ASTN2: variants seen among roughly 807,000 people sequenced by gnomAD.
The protein encoded by ASTN2 is astrotactin 2.
Under a neutral mutation model 139.8 loss-of-function variants are expected in ASTN2, and 54 were observed. The observed-to-expected ratio is 0.39, with a 90% CI of 0.31 to 0.48. The LOEUF is 0.48. ASTN2 is among the 20% of genes least tolerant of loss of function. The probability of loss-of-function intolerance (pLI) is 0.95; values close to 1 mark genes in which losing one functional copy is unlikely to be tolerated. For synonymous variants in ASTN2, 756 were observed against 719.5 expected, an observed-to-expected ratio of 1.05 and a Z score of -0.81; for missense variants, 1,565 against 1,725.1, an observed-to-expected ratio of 0.91 and a Z score of 1.64.
At chr9:116,734,274 C>T (rs2132127957) in intron 13 of ASTN2, among the ~76,000 whole-genome samples, 2 of 152,282 alleles carry the variant, frequency 1.3e-5, no homozygotes, top group East Asian at 3.9e-4. Context: ...GAACAGAAGA[C>T]AGACCTCTGA....
At chr9:116,623,352 C>T (rs767056129) in intron 17 of ASTN2, among the ~76,000 whole-genome samples, 2 of 152,032 alleles carry the variant, frequency 1.3e-5, no homozygotes, top group Admixed American at 6.6e-5. Context: ...CCCAAAACCC[C>T]GAGGAACAGA....
intron 10 of ASTN2, among the ~76,000 whole-genome samples, chr9:116,940,869 A>G (rs1157804067): frequency 6.6e-6 from 1 of 152,178 alleles, no homozygotes; most frequent in Non-Finnish European, 1.5e-5. Flanking sequence ...ATACAGGTAG[A>G]TAATTTTAAA....
Position 116,699,933 on chromosome 9 carries a change from C to G in ASTN2, c.2806+25838G>C. On this transcript the variant is annotated intron_variant, in intron 16 of 22. Transcript: ENST00000313400. This position sits in a 1 kb window ranked among gnomAD's most constrained non-coding sequence, Gnocchi z 4.2. ...AGATGCACTGCCCAAATAGGACACA[C>G]GATGGTGTTAGCTGAAGTTTGATTA... 1 of 631,886 alleles carries G rather than the reference C, an allele frequency of 1.6e-6. No individual in the cohort carries two copies. The highest frequency in any genetic ancestry group is 2.8e-6 in the Non-Finnish European group (1 of 359,210). The allele number at this position is 631,886 out of a possible 1,614,324, so 39.1% of individuals were successfully genotyped here.
intron 13 of ASTN2, among the ~76,000 whole-genome samples, chr9:116,757,345 C>A (rs1346971713): frequency 6.6e-6 from 1 of 152,108 alleles, no homozygotes; most frequent in African/African-American, 2.4e-5. Context: ...TTTTGGCATG[C>A]GTGAACTTAA....
chr9:117,062,925 G>A (rs1379202232), intron 5 of ASTN2, among the ~76,000 whole-genome samples: 2 of 152,046 alleles, frequency 1.3e-5, no homozygotes, highest in Non-Finnish European at 2.9e-5. Flanking sequence ...CTTTTTAAGG[G>A]GCTAGCCTTG....
chr9:116,565,281 A>AACAAGTAAAC (rs1366299913), intron 19 of ASTN2, among the ~76,000 whole-genome samples: 6 of 148,664 alleles, frequency 4.0e-5, no homozygotes, highest in African/African-American at 1.2e-4. Flanking sequence ...TGAGGAGATT[A>AACAAGTAAAC]ACAAGTAAAC....
At chr9:116,747,380 T>C (rs1230056988) in intron 13 of ASTN2, among the ~76,000 whole-genome samples, 1 of 152,180 alleles carries the variant, frequency 6.6e-6, no homozygotes, top group Non-Finnish European at 1.5e-5. Flanking sequence ...AAAGTAAAGG[T>C]TGACTTGTTG....
chr9:116,907,943 C>A (rs988966402), intron 10 of ASTN2, among the ~76,000 whole-genome samples: 1 of 152,196 alleles, frequency 6.6e-6, no homozygotes, highest in South Asian at 2.1e-4. Flanking sequence ...GGCAACCACA[C>A]CCAACAGTAA....
At chr9:116,675,119 C>A (rs1859428122) in intron 16 of ASTN2, among the ~76,000 whole-genome samples, 1 of 152,176 alleles carries the variant, frequency 6.6e-6, no homozygotes, top group Admixed American at 6.5e-5. Context: ...AGCAATGGAT[C>A]CAGAGGCCAG....
At chr9:116,924,429 CAAA>C (rs35015769) in intron 10 of ASTN2, among the ~76,000 whole-genome samples, 31 of 55,006 alleles carry the variant, frequency 5.6e-4, no homozygotes, top group African/African-American at 1.5e-3. Flanking sequence ...GACTTCATCT[CAAA>C]AAAAAAAAAA....
At chr9:116,427,782 A>C (rs1411838120) in intron 22 of ASTN2, among the ~76,000 whole-genome samples, 1 of 152,244 alleles carries the variant, frequency 6.6e-6, no homozygotes, top group African/African-American at 2.4e-5. Context: ...CCAAGAATTC[A>C]TCACTTCATA....
intron 1 of ASTN2, among the ~76,000 whole-genome samples, chr9:117,331,490 A>G (rs1193466142): frequency 2.0e-5 from 3 of 152,182 alleles, no homozygotes; most frequent in African/African-American, 7.2e-5. Context: ...CGAGGGTTAA[A>G]TATAACAAGC....
chr9:117,379,481 G>A (rs1310267899), intron 1 of ASTN2, among the ~76,000 whole-genome samples: 1 of 152,198 alleles, frequency 6.6e-6, no homozygotes, highest in Non-Finnish European at 1.5e-5. Flanking sequence ...TCCTGCCTTA[G>A]ATGACTGGAA....
chr9:117,191,624 G>A (rs544119050), intron 3 of ASTN2, among the ~76,000 whole-genome samples: 7 of 152,330 alleles, frequency 4.6e-5, no homozygotes, highest in African/African-American at 1.4e-4. Flanking sequence ...CAGAGGCATT[G>A]AGGTTGAGCT....
Position 116,975,236 on chromosome 9 carries a change from G to A in ASTN2, c.1861C>T (p.Leu621Phe), listed in dbSNP as rs1035453354. ...NPLASCKTDV[L>F]VTEDPADVRE... ...ACATCTGCAGGGTCTTCCGTGACGA[G>A]CACATCGGTCTTGCAGCTGGCCAGG... The change falls in exon 10 of 23, where the codon CTC (leucine) becomes TTC (phenylalanine). Residue 621 changes from leucine to phenylalanine, a missense_variant. By Grantham distance (22) the Leu-to-Phe change is conservative. Transcript: ENST00000313400. 2 of 1,612,898 alleles carry A rather than the reference G, an allele frequency of 1.2e-6. No individual in the cohort carries two copies. The highest frequency in any genetic ancestry group is 1.3e-5 in the African/African-American group (1 of 74,854).
intron 1 of ASTN2, among the ~76,000 whole-genome samples, chr9:117,343,571 A>G (rs1242418995): frequency 1.3e-5 from 2 of 152,166 alleles, no homozygotes; most frequent in Non-Finnish European, 2.9e-5. Context: ...AATTCTCACA[A>G]ACATCCTGTG....
chr9:116,653,934 T>C (rs1342988426), intron 16 of ASTN2, among the ~76,000 whole-genome samples: 1 of 152,192 alleles, frequency 6.6e-6, no homozygotes, highest in Non-Finnish European at 1.5e-5. Context: ...GGGTAGTTAC[T>C]AAGACAAACA....
intron 10 of ASTN2, among the ~76,000 whole-genome samples, chr9:116,938,490 C>T (rs867841739): frequency 1.4e-4 from 22 of 152,168 alleles, no homozygotes; most frequent in Admixed American, 2.6e-4. Flanking sequence ...GGCGGATCAA[C>T]GGCACTGCCC....
chr9:116,448,980 G>A (rs1848090529), intron 20 of ASTN2, among the ~76,000 whole-genome samples: 1 of 152,156 alleles, frequency 6.6e-6, no homozygotes, highest in African/African-American at 2.4e-5. Context: ...ATCACAATGA[G>A]GCAGGGTGTG....
Sources: gnomAD v4.1 joint callset for allele counts (sites outside exome capture counted in the v4.1 genomes callset) on GRCh38, gnomAD v4.1.1 for gene constraint, Gnocchi (gnomAD v3.1) non-coding constraint, MANE v1.5 for transcripts, NCBI Gene and HGNC (gene_info 2026-07-23, HGNC 2026-07-21) for gene names.